Variants in FAM151B observed in about 807,000 individuals in gnomAD.
FAM151B encodes the protein family with sequence similarity 151 member B, also known as protein FAM151B.
FAM151B carries 24 observed loss-of-function variants against 31.2 expected under a neutral mutation model. The ratio of observed to expected loss-of-function variants is 0.77; its 90% confidence interval spans 0.56 to 1.08. FAM151B has a LOEUF of 1.08. Among genes scored for constraint, FAM151B ranks in the 50% least tolerant of loss-of-function variants. FAM151B has a pLI of 0.00. For missense variants in FAM151B, 293 were observed against 328.6 expected (o/e 0.89, Z 0.84); for synonymous variants, 105 against 111.4 (o/e 0.94, Z 0.36).
At position 80,488,110 on chromosome 5, in the gene FAM151B, C is replaced by T. The variant is rs1440873818; in HGVS notation, c.-14C>T. On this transcript the variant is annotated 5_prime_UTR_variant, in exon 1 of 6. Transcript: ENST00000282226. The stretch of plus-strand genomic sequence containing the variant: ...CCAGCCTGGGCGCCTGCGCGGACGG[C>T]GGGCGTCGTCACCATGGCAGCATCC... 6.5e-7 allele frequency: 1 copy of T among 1,540,532 alleles called. No homozygotes were observed. Among genetic ancestry groups the T allele is most frequent in the Non-Finnish European group, 8.7e-7 (1 of 1,146,808 alleles).
intron 5 of FAM151B, among the ~76,000 whole-genome samples, chr5:80,522,867 C>G (rs1433826695): frequency 6.6e-6 from 1 of 151,448 alleles, no homozygotes; most frequent in Non-Finnish European, 1.5e-5. Context: ...TATAAAAGTA[C>G]AGATGTTAAA....
chr5:80,494,464 C>CTTTCTTTCTTTCTTTCTTTCTTTA lies in FAM151B; in HGVS notation c.25+6339_25+6340insATTTCTTTCTTTCTTTCTTTCTTT, dbSNP rs1561359176. Among the ~76,000 whole-genome samples the CTTTCTTTCTTTCTTTCTTTCTTTA allele has an allele frequency of 1.1e-3, 48 of 45,376 alleles. 1 individual carries two copies. The highest frequency in any genetic ancestry group is 3.7e-3 in the African/African-American group (44 of 11,810). The allele number at this position is 45,376 out of a possible 152,430, so 29.8% of individuals were successfully genotyped here. A position where few individuals can be genotyped will look rare whatever the true frequency, so the allele number is the denominator to read the frequency against. On this transcript the variant is annotated intron_variant, in intron 1 of 5. Transcript: ENST00000282226. The stretch of plus-strand genomic sequence containing the variant: ...TTCTTTTTCTTTCTTTCTTTTCTTT[C>CTTTCTTTCTTTCTTTCTTTCTTTA]TTTCTTTCTTTCTTTCTTTCTTTCT...
At chr5:80,494,468 C>CTTTCTTTCTTTCTTTCTTTCTTTCTTTA (rs1743445378) in intron 1 of FAM151B, among the ~76,000 whole-genome samples, 2 of 43,630 alleles carry the variant, frequency 4.6e-5, no homozygotes, top group African/African-American at 1.6e-4. Context: ...TTCTTTCTTT[C>CTTTCTTTCTTTCTTTCTTTCTTTCTTTA]TTTCTTTCTT....
chr5:80,488,474 G>C lies in FAM151B; in HGVS notation c.25+326G>C, dbSNP rs193114408. On this transcript the variant is annotated intron_variant, in intron 1 of 5. Transcript: ENST00000282226. The stretch of plus-strand genomic sequence containing the variant: ...AATCCTTAATTTCAGCCGACCGTAT[G>C]GGGGCGGTCTGGGTCAGTAGGTTCC... Among the ~76,000 whole-genome samples, 8 of 152,378 alleles carry C rather than the reference G, an allele frequency of 5.3e-5. No homozygotes were observed. In the East Asian group the frequency reaches 1.2e-3, roughly 22 times the overall value.
chr5:80,521,899 TG>T, intron 4 of FAM151B, 103 bp from the exon 5 acceptor site: 9 of 756,024 alleles, frequency 1.2e-5, no homozygotes, highest in Non-Finnish European at 1.8e-5. Context: ...GAATTACCTA[TG>T]AATTATCTAT....
At chr5:80,525,769 T>C (rs1057344424) in intron 5 of FAM151B, among the ~76,000 whole-genome samples, 6 of 152,166 alleles carry the variant, frequency 3.9e-5, no homozygotes, top group African/African-American at 1.4e-4. Flanking sequence ...TAAGGCTCTT[T>C]GCTTAATGCT....
intron 3 of FAM151B, 107 bp downstream of exon 3, chr5:80,513,876 A>G: frequency 1.8e-6 from 2 of 1,123,506 alleles, no homozygotes; most frequent in East Asian, 2.6e-5. Context: ...GTAGACTCTA[A>G]TATATTTCAG....
chr5:80,504,240 C>T (rs923694965), intron 2 of FAM151B, among the ~76,000 whole-genome samples: 27 of 152,222 alleles, frequency 1.8e-4, no homozygotes, highest in Non-Finnish European at 2.1e-4. Flanking sequence ...TTTTTTCGCT[C>T]CTTTCTTTAT....
At chr5:80,494,496 C>A (rs1204960921) in intron 1 of FAM151B, among the ~76,000 whole-genome samples, 10 of 142,448 alleles carry the variant, frequency 7.0e-5, no homozygotes, top group African/African-American at 2.8e-4. Context: ...TTCTTTCTTT[C>A]TTTCTTTCTT....
At chr5:80,533,646 A>T (rs1173643284) in intron 5 of FAM151B, among the ~76,000 whole-genome samples, 1 of 147,462 alleles carries the variant, frequency 6.8e-6, no homozygotes, top group African/African-American at 2.5e-5. Flanking sequence ...GCTACTCAGG[A>T]GGCTGATGCA....
intron 1 of FAM151B, 41 bp from the exon 2 acceptor site, chr5:80,501,751 A>T: frequency 6.6e-7 from 1 of 1,514,826 alleles, no homozygotes; most frequent in Non-Finnish European, 9.0e-7. Context: ...TTTACCCTAT[A>T]AAAAACAATA....
At chr5:80,501,219 C>G (rs1296210526) in intron 1 of FAM151B, 2 of 327,482 alleles carry the variant, frequency 6.1e-6, no homozygotes, top group Non-Finnish European at 1.1e-5. Flanking sequence ...AGGGTTCCAC[C>G]ATGTTGGCCA....
In FAM151B at chr5:80,501,801, G is replaced by A; in HGVS notation, c.35G>A (p.Ser12Asn). ...AASAGGPGSW[S>N]ENILEYFLRN... Reference sequence around the variant, plus strand: ...AACACTGTTATTTTAGGATCTTGGAGTGAAAATATACTGGAATATTTTCTG... The same window carrying A: ...AACACTGTTATTTTAGGATCTTGGAATGAAAATATACTGGAATATTTTCTG... Residue 12 changes from serine to asparagine, a missense_variant, in exon 2 of 6, where the codon AGT becomes AAT. Physicochemically the swap from Ser to Asn is conservative, Grantham distance 46. Transcript: ENST00000282226. 1 of 1,598,082 alleles carries A rather than the reference G, an allele frequency of 6.3e-7. No individual in the cohort carries two copies.
chr5:80,534,581 A>G (rs1319095688), intron 5 of FAM151B, among the ~76,000 whole-genome samples: 2 of 152,222 alleles, frequency 1.3e-5, no homozygotes, highest in Non-Finnish European at 2.9e-5. Context: ...AACCCACAAA[A>G]AAACTGGGTA....
chr5:80,495,249 T>C (rs951820807), intron 1 of FAM151B: 1 of 152,246 alleles, frequency 6.6e-6, no homozygotes, highest in African/African-American at 2.4e-5. Context: ...TTTTCCTGCA[T>C]GCTTGCATCT....
chr5:80,513,513 T>C (rs371284358), intron 2 of FAM151B, 91 bp from the exon 3 acceptor site: 5 of 1,275,390 alleles, frequency 3.9e-6, no homozygotes, highest in East Asian at 2.4e-5. Context: ...CCTTTTTTTT[T>C]ATCTTCCTCA....
At chr5:80,530,235 T>G (rs1457457972) in intron 5 of FAM151B, among the ~76,000 whole-genome samples, 1 of 152,108 alleles carries the variant, frequency 6.6e-6, no homozygotes, top group East Asian at 1.9e-4. Context: ...GGGACGTATC[T>G]CAAAATAATA....
At chr5:80,512,762 AG>A (rs1366246287) in intron 2 of FAM151B, among the ~76,000 whole-genome samples, 2 of 147,470 alleles carry the variant, frequency 1.4e-5, no homozygotes, top group East Asian at 2.0e-4. Context: ...CCTGGATGAC[AG>A]GGTAAGACCC....
rs138411434 is a variant in FAM151B, at chr5:80,538,533, C to CTTTCTTTTCTTTCT, written c.672-3138_672-3137insTCTTTTCTTTCTTT. ...CTTTCTTTCCTTCCTTCCTTCCTTC[C>CTTTCTTTTCTTTCT]TTCCTTCCTTCCTTCCTTCCTTCCT... On this transcript the variant is annotated intron_variant, in intron 5 of 5. Transcript: ENST00000282226. 6.2e-4 allele frequency among the ~76,000 whole-genome samples: 67 copies of CTTTCTTTTCTTTCT among 108,192 alleles called. 4 individuals are homozygous for CTTTCTTTTCTTTCT. The highest frequency in any genetic ancestry group is 3.3e-3 in the African/African-American group (63 of 18,862). The allele number at this position is 108,192 out of a possible 152,430, so 71.0% of individuals were successfully genotyped here.
Sources: gnomAD v4.1 joint callset for allele counts (sites outside exome capture counted in the v4.1 genomes callset) on GRCh38, gnomAD v4.1.1 for gene constraint, MANE v1.5 for transcripts, NCBI Gene and HGNC (gene_info 2026-07-23, HGNC 2026-07-21) for gene names.